Variants in TACC1 observed in about 807,000 individuals in gnomAD.
TACC1 encodes transforming acidic coiled-coil-containing protein 1.
A neutral mutation model predicts 84.4 loss-of-function variants in TACC1; 48 were observed. The ratio of observed to expected loss-of-function variants is 0.57; its 90% CI spans 0.45 to 0.72. The LOEUF (loss-of-function observed/expected upper bound fraction) is 0.72. TACC1 is among the 30% of genes least tolerant of loss of function. The probability of loss-of-function intolerance (pLI) is 0.00; values close to 1 mark genes in which losing one functional copy is unlikely to be tolerated. For missense variants in TACC1, 920 were observed against 973.0 expected, an observed-to-expected ratio of 0.95 and a Z score of 0.72; for synonymous variants, 372 against 376.3, an observed-to-expected ratio of 0.99 and a Z score of 0.13.
intron 5 of TACC1, among the ~76,000 whole-genome samples, chr8:38,828,760 A>G (rs1828657541): frequency 6.6e-6 from 1 of 152,198 alleles, no homozygotes. Context: ...GTGTCCTCAA[A>G]TGCGAAGGCA....
chr8:38,739,051 C>T (rs546456613), intron 1 of TACC1, among the ~76,000 whole-genome samples: 15 of 152,156 alleles, frequency 9.9e-5, no homozygotes, highest in African/African-American at 2.9e-4. Flanking sequence ...CCAACATGCC[C>T]GGCTAATTTT....
rs533362894 is a variant in TACC1, at chr8:38,818,033, C to T, written c.278-1489C>T. 7.9e-5 allele frequency among the ~76,000 whole-genome samples: 12 copies of T among 151,614 alleles called. No individual in the cohort carries two copies. The South Asian group carries it at 2.3e-3, about 29-fold the overall frequency. On this transcript the variant is annotated intron_variant, in intron 2 of 12. Transcript: ENST00000317827. ...GATTGCTTGAGCCCAGTGAGACCAGCCTGGGCAACTTGGCTGTCCTGTCTC... is the reference window on the plus strand; with the variant it reads ...GATTGCTTGAGCCCAGTGAGACCAGTCTGGGCAACTTGGCTGTCCTGTCTC...
At chr8:38,819,475 C>T in intron 2 of TACC1, 47 bp from the exon 3 acceptor site, 1 of 1,548,542 alleles carries the variant, frequency 6.5e-7, no homozygotes, top group South Asian at 1.2e-5. Context: ...GGATACTTAC[C>T]AGTGACAGAT....
At chr8:38,826,713 A>T (rs750715774) in intron 4 of TACC1, among the ~76,000 whole-genome samples, 3 of 152,242 alleles carry the variant, frequency 2.0e-5, no homozygotes, top group Non-Finnish European at 4.4e-5. Context: ...ATATGGTATC[A>T]AATCACTAAG....
At chr8:38,809,327 G>A (rs575718919) in intron 2 of TACC1, among the ~76,000 whole-genome samples, 2 of 149,980 alleles carry the variant, frequency 1.3e-5, no homozygotes, top group Non-Finnish European at 3.0e-5. Flanking sequence ...ATGTGCCACG[G>A]CTGTTGACCC....
At position 38,848,263 on chromosome 8, in the gene TACC1, C is replaced by T. The variant is rs772023124; in HGVS notation, c.*240C>T. The T allele has an allele frequency of 5.6e-5, 20 of 358,546 alleles. No individual in the cohort carries two copies. Among genetic ancestry groups the T allele is most frequent in the Admixed American group, 9.2e-5 (2 of 21,802 alleles). The allele number at this position is 358,546 out of a possible 1,614,324, so 22.2% of individuals were successfully genotyped here. ...TGACAGTGCTGGAGCCTCCTAGTTT[C>T]CCCCTATGAAGGTTCCCTTAGGCTG... On this transcript the variant is annotated 3_prime_UTR_variant, in exon 13 of 13. Transcript: ENST00000317827.
At chr8:38,834,076 T>TGTTTATTATC (rs1829766462) in intron 6 of TACC1, among the ~76,000 whole-genome samples, 1 of 152,176 alleles carries the variant, frequency 6.6e-6, no homozygotes, top group Non-Finnish European at 1.5e-5. Flanking sequence ...TTAAAGCAAG[T>TGTTTATTATC]GTTTATTATC....
At chr8:38,731,917 G>C (rs1805006142) in intron 1 of TACC1, among the ~76,000 whole-genome samples, 1 of 152,138 alleles carries the variant, frequency 6.6e-6, no homozygotes, top group African/African-American at 2.4e-5. Context: ...TTTGAGACCA[G>C]CCTGGCCAAC....
At chr8:38,795,405 A>T (rs1469080608) in intron 2 of TACC1, among the ~76,000 whole-genome samples, 2 of 152,242 alleles carry the variant, frequency 1.3e-5, no homozygotes, top group African/African-American at 4.8e-5. Context: ...CGAATAAAGC[A>T]GTAGAACTTA....
chr8:38,830,616 T>C (rs906385609), intron 5 of TACC1, among the ~76,000 whole-genome samples: 4 of 146,906 alleles, frequency 2.7e-5, no homozygotes, highest in African/African-American at 7.3e-5. Context: ...GAGTAGAGGA[T>C]AGACCTGAGA....
intron 3 of TACC1, among the ~76,000 whole-genome samples, chr8:38,760,809 A>T (rs1373990545): frequency 1.3e-5 from 2 of 152,208 alleles, no homozygotes; most frequent in Admixed American, 6.5e-5. Flanking sequence ...GGCGTGAGCC[A>T]CTGCGCCTGG....
chr8:38,741,097 G>A (rs1806977376), intron 1 of TACC1, among the ~76,000 whole-genome samples: 1 of 151,706 alleles, frequency 6.6e-6, no homozygotes, highest in African/African-American at 2.4e-5. Context: ...GCATTTTCAG[G>A]CTCTGTAGAC....
rs767769594 is a variant in TACC1, at chr8:38,820,001, G to A, written c.757G>A (p.Ala253Thr). Residue 253 changes from alanine to threonine, a missense_variant, in exon 3 of 13, where the codon GCT becomes ACT. This residue lies in a region of TACC1 where 762 missense variants were observed against 747.3 expected (regional missense o/e 1.02). Coordinates refer to ENST00000317827, the MANE Select transcript of TACC1 (RefSeq NM_006283.3). ...IGGEFSDTNA[A>T]VEGTPLPKAS... The stretch of plus-strand genomic sequence containing the variant: ...AGGAGAGTTCTCAGACACCAACGCT[G>A]CTGTGGAGGGCACACCTCTCCCCAA... 1.9e-6 allele frequency: 3 copies of A among 1,614,006 alleles called. No individual in the cohort carries two copies. The highest frequency in any genetic ancestry group is 2.5e-6 in the Non-Finnish European group (3 of 1,180,034).
At chr8:38,833,532 C>T (rs966223941) in intron 6 of TACC1, among the ~76,000 whole-genome samples, 2 of 152,074 alleles carry the variant, frequency 1.3e-5, no homozygotes, top group South Asian at 4.1e-4. Context: ...TGGGGAGAGT[C>T]GGCAGGCTGA....
chr8:38,781,577 C>T (rs944875616), intron 3 of TACC1, among the ~76,000 whole-genome samples: 13 of 152,126 alleles, frequency 8.5e-5, no homozygotes, highest in Non-Finnish European at 1.0e-4. Context: ...GACGGGGTTT[C>T]GCCGTGTTGG....
At chr8:38,739,377 A>G (rs1806628529) in intron 1 of TACC1, among the ~76,000 whole-genome samples, 1 of 152,228 alleles carries the variant, frequency 6.6e-6, no homozygotes, top group Non-Finnish European at 1.5e-5. Context: ...TGCAATGTAC[A>G]CATATAGTGG....
chr8:38,829,282 T>C (rs961238594), intron 5 of TACC1, among the ~76,000 whole-genome samples: 2 of 152,276 alleles, frequency 1.3e-5, no homozygotes, highest in South Asian at 2.1e-4. Flanking sequence ...CTGGCCTCCT[T>C]CTCATCCCAG....
intron 6 of TACC1, 73 bp from the exon 7 acceptor site, chr8:38,836,089 G>T: frequency 6.3e-7 from 1 of 1,584,456 alleles, no homozygotes. Flanking sequence ...TTAGTAATGA[G>T]GAAGTTGTTG....
intron 2 of TACC1, among the ~76,000 whole-genome samples, chr8:38,810,204 G>A (rs1823750026): frequency 6.6e-6 from 1 of 151,616 alleles, no homozygotes; most frequent in Non-Finnish European, 1.5e-5. Context: ...CATTATACCT[G>A]TGATGTAATT....
Sources: allele counts gnomAD v4.1 joint callset (sites outside exome capture counted in the v4.1 genomes callset), GRCh38; gene constraint gnomAD v4.1.1; regional missense constraint gnomAD v4.1.1; transcripts MANE v1.5; gene names NCBI Gene and HGNC (gene_info 2026-07-23, HGNC 2026-07-21).